Variants in HS3ST5 observed in about 807,000 individuals in gnomAD.
HS3ST5 encodes the protein heparan sulfate-glucosamine 3-sulfotransferase 5.
In HS3ST5, 10 loss-of-function variants were observed where a neutral mutation model predicts 25.4. The ratio of observed to expected loss-of-function variants is 0.39; its 90% confidence interval spans 0.24 to 0.67. The LOEUF is 0.67. HS3ST5 is among the 30% of genes least tolerant of loss of function. The pLI, the probability that HS3ST5 is intolerant of heterozygous loss-of-function variation, is 0.44. For missense variants in HS3ST5, 324 were observed against 420.7 expected (o/e 0.77, Z 2.01); for synonymous variants, 170 against 162.4 (o/e 1.05, Z -0.36).
chr6:114,148,783 CTAGCA>C (rs1446632247), intron 3 of HS3ST5, among the ~76,000 whole-genome samples: 1 of 152,096 alleles, frequency 6.6e-6, no homozygotes, highest in African/African-American at 2.4e-5. Context: ...GCAAAAGAAA[CTAGCA>C]TTAGAGTGAA....
chr6:114,199,116 CATT>C (rs1780897566), intron 2 of HS3ST5, among the ~76,000 whole-genome samples: 1 of 151,946 alleles, frequency 6.6e-6, no homozygotes, highest in Non-Finnish European at 1.5e-5. Flanking sequence ...ATATTGATGC[CATT>C]ATTATGAAAG....
At chr6:114,075,995 G>A (rs1304776821) in intron 3 of HS3ST5, among the ~76,000 whole-genome samples, 4 of 152,140 alleles carry the variant, frequency 2.6e-5, no homozygotes, top group African/African-American at 9.7e-5. Flanking sequence ...AGGTAGTGCT[G>A]TGAGATACAC....
chr6:114,118,132 A>T (rs1346685878), intron 3 of HS3ST5, among the ~76,000 whole-genome samples: 1 of 152,176 alleles, frequency 6.6e-6, no homozygotes. Context: ...TTATTTCTCC[A>T]GTTGTAAATT....
rs1453153607 is a variant in HS3ST5 at position 114,135,616 on chromosome 6, G to A, written c.-33+32735C>T. Among the ~76,000 whole-genome samples, 6 of 152,248 alleles carry A rather than the reference G, an allele frequency of 3.9e-5. No individual in the cohort carries two copies. In the East Asian group the frequency reaches 1.2e-3, roughly 29 times the overall value. On this transcript the variant is annotated intron_variant, in intron 3 of 4. Transcript: ENST00000312719. ...TCACCATCCTCCCTCTCCACCCAGG[G>A]CACGGTTTCAAGATTTAGGTCAGAT...
At chr6:114,183,999 G>A (rs1780083993) in intron 2 of HS3ST5, among the ~76,000 whole-genome samples, 1 of 149,476 alleles carries the variant, frequency 6.7e-6, no homozygotes, top group South Asian at 2.1e-4. Flanking sequence ...TGCAAGTAAT[G>A]AAATAGGATA....
At chr6:114,226,718 T>C (rs1269501720) in intron 2 of HS3ST5, among the ~76,000 whole-genome samples, 2 of 152,004 alleles carry the variant, frequency 1.3e-5, no homozygotes, top group East Asian at 3.8e-4. Flanking sequence ...TTCCTGCGTA[T>C]TGAGACTGTC....
In HS3ST5 at chr6:114,318,435, T is replaced by C. The variant is rs1232164043; in HGVS notation, c.-339+23760A>G. 2.6e-5 allele frequency among the ~76,000 whole-genome samples: 4 copies of C among 152,276 alleles called. 1 individual carries two copies. Among genetic ancestry groups the C allele is most frequent in the Middle Eastern group, 3.4e-3 (1 of 294 alleles). On this transcript the variant is annotated intron_variant, in intron 1 of 4. Coordinates refer to ENST00000312719, the MANE Select transcript of HS3ST5 (RefSeq NM_153612.4). Reference sequence around the variant, plus strand: ...CTCAGGGATCTAATATCAGACTCTTTAAGTAGATTTTTTTTAATAACTGTC... The same window carrying C: ...CTCAGGGATCTAATATCAGACTCTTCAAGTAGATTTTTTTTAATAACTGTC...
At chr6:114,220,981 G>A (rs530015455) in intron 2 of HS3ST5, among the ~76,000 whole-genome samples, 1 of 152,046 alleles carries the variant, frequency 6.6e-6, no homozygotes, top group East Asian at 1.9e-4. Flanking sequence ...CTCAAGTAGA[G>A]TCAATTACAA....
At chr6:114,303,401 T>C (rs1438445538) in intron 1 of HS3ST5, among the ~76,000 whole-genome samples, 2 of 146,550 alleles carry the variant, frequency 1.4e-5, no homozygotes, top group African/African-American at 2.5e-5. Context: ...AGAACTCTCA[T>C]GGACTTAGGA....
At chr6:114,238,702 C>T (rs529530524) in intron 1 of HS3ST5, among the ~76,000 whole-genome samples, 5 of 152,230 alleles carry the variant, frequency 3.3e-5, no homozygotes, top group African/African-American at 1.2e-4. Context: ...CCTGAGATGT[C>T]ACCAACTACT....
At chr6:114,241,143 T>TG (rs906069102) in intron 1 of HS3ST5, among the ~76,000 whole-genome samples, 2 of 150,694 alleles carry the variant, frequency 1.3e-5, no homozygotes, top group Non-Finnish European at 3.0e-5. Flanking sequence ...TTTTTTTTTT[T>TG]TTTTTTTTTT....
chr6:114,194,429 A>T (rs1254199856), intron 2 of HS3ST5, among the ~76,000 whole-genome samples: 1 of 152,142 alleles, frequency 6.6e-6, no homozygotes, highest in Non-Finnish European at 1.5e-5. Flanking sequence ...GTCACGTTGT[A>T]GTCTCTTTGT....
rs561526176 is a variant in HS3ST5 at position 114,171,851 on chromosome 6, T to C, written c.-144-3389A>G. On this transcript the variant is annotated intron_variant, in intron 2 of 4. Transcript: ENST00000312719. ...AAATAGTTCTCCCTTGCAGTAATAGTGTAAATTAAAGAAAAGGTAAAGGTA... is the reference window on the plus strand; with the variant it reads ...AAATAGTTCTCCCTTGCAGTAATAGCGTAAATTAAAGAAAAGGTAAAGGTA... Among the ~76,000 whole-genome samples the C allele has an allele frequency of 2.0e-5, 3 of 152,204 alleles. No individual in the cohort carries two copies. In the East Asian group the frequency reaches 5.8e-4, roughly 29 times the overall value.
chr6:114,058,042 G>T lies in HS3ST5; in HGVS notation c.256C>A (p.Leu86Met). The T allele has an allele frequency of 6.2e-7, 1 of 1,614,224 alleles. No homozygotes were observed. Among genetic ancestry groups the T allele is most frequent in the Non-Finnish European group, 8.5e-7 (1 of 1,180,034 alleles). ...ASKEQVRLHD[L>M]VQQLPKAIII... ...ATGGCCTTGGGGAGCTGCTGGACCA[G>T]GTCATGGAGGCGAACCTGCTCCTTG... Residue 86 changes from leucine (L) to methionine (M), a missense_variant, in exon 5 of 5, where the codon CTG becomes ATG. By Grantham distance (15) the Leu-to-Met change is conservative. This residue lies in a region of HS3ST5 where 121 missense variants were observed against 117.3 expected (regional missense o/e 1.03). Coordinates refer to ENST00000312719, the MANE Select transcript of HS3ST5 (RefSeq NM_153612.4).
At chr6:114,101,457 T>A (rs1260827668) in intron 3 of HS3ST5, among the ~76,000 whole-genome samples, 3 of 152,156 alleles carry the variant, frequency 2.0e-5, no homozygotes, top group Non-Finnish European at 4.4e-5. Flanking sequence ...TGAAGAATGA[T>A]GTAATTGAGG....
chr6:114,236,576 A>G (rs1025087358), intron 1 of HS3ST5, among the ~76,000 whole-genome samples: 1 of 152,162 alleles, frequency 6.6e-6, no homozygotes, highest in Non-Finnish European at 1.5e-5. Context: ...TTCTCTGCTG[A>G]TAATAGAATG....
At chr6:114,134,834 G>A (rs17191698) in intron 3 of HS3ST5, among the ~76,000 whole-genome samples, 6,501 of 152,246 alleles carry the variant, frequency 0.043, 184 homozygotes, top group Non-Finnish European at 0.062. Flanking sequence ...TTTTCCTCCA[G>A]TGTCCTGAAA....
chr6:114,220,072 A>G (rs1475298259), intron 2 of HS3ST5, among the ~76,000 whole-genome samples: 1 of 152,040 alleles, frequency 6.6e-6, no homozygotes, highest in Non-Finnish European at 1.5e-5. Context: ...AAATTTTCTT[A>G]CAATTTAAAT....
intron 3 of HS3ST5, among the ~76,000 whole-genome samples, chr6:114,121,965 G>T (rs1352868721): frequency 1.3e-5 from 2 of 152,190 alleles, no homozygotes; most frequent in African/African-American, 2.4e-5. Flanking sequence ...TCCTGTCCCA[G>T]GCCCCACCTG....
Sources: allele counts gnomAD v4.1 joint callset (sites outside exome capture counted in the v4.1 genomes callset), GRCh38; gene constraint gnomAD v4.1.1; regional missense constraint gnomAD v4.1.1; transcripts MANE v1.5; gene names NCBI Gene and HGNC (gene_info 2026-07-23, HGNC 2026-07-21).